TICRR: variants seen among roughly 807,000 people sequenced by gnomAD.
TICRR encodes the protein treslin.
Under a neutral mutation model 178.1 loss-of-function variants are expected in TICRR, and 132 were observed. The observed-to-expected ratio is 0.74, with a 90% CI of 0.64 to 0.86. The LOEUF (loss-of-function observed/expected upper bound fraction) is 0.86. TICRR is among the 40% of genes least tolerant of loss of function. TICRR has a pLI of 0.00. For missense variants in TICRR, 2,587 were observed against 2,334.3 expected, an observed-to-expected ratio of 1.11 and a Z score of -2.23; for synonymous variants, 991 against 900.7, an observed-to-expected ratio of 1.10 and a Z score of -1.79.
At chr15:89,581,215 T>G (rs62023109) in intron 1 of TICRR, among the ~76,000 whole-genome samples, 3 of 135,378 alleles carry the variant, frequency 2.2e-5, no homozygotes, top group African/African-American at 5.6e-5. Context: ...ATTCCTAACA[T>G]TCACATAGCA....
rs1013516586 is a variant in TICRR at position 89,602,735 on chromosome 15, T to C, written c.2568-61T>C. The C allele has an allele frequency of 1.9e-5, 15 of 800,718 alleles. No homozygotes were observed. In the African/African-American group the frequency reaches 2.7e-4, roughly 15 times the overall value. The allele number at this position is 800,718 out of a possible 1,614,324, so 49.6% of individuals were successfully genotyped here. On this transcript the variant is annotated intron_variant, in intron 12 of 21. Coordinates refer to ENST00000268138, the MANE Select transcript of TICRR (RefSeq NM_152259.4). Reference sequence around the variant, plus strand: ...TTATTTTACTTAGACTCCAGTTCCATTTGAATTTAACTATATATAACCTCT... The same window carrying C: ...TTATTTTACTTAGACTCCAGTTCCACTTGAATTTAACTATATATAACCTCT...
intron 4 of TICRR, among the ~76,000 whole-genome samples, chr15:89,589,471 T>G (rs935208107): frequency 1.3e-5 from 2 of 152,120 alleles, no homozygotes; most frequent in Non-Finnish European, 2.9e-5. Context: ...ATGGGGCTCC[T>G]GCTTGACATT....
chr15:89,586,247 A>G (rs1962821397), intron 4 of TICRR, among the ~76,000 whole-genome samples: 1 of 152,212 alleles, frequency 6.6e-6, no homozygotes, highest in Non-Finnish European at 1.5e-5. Context: ...TACTACTAGC[A>G]TTGCAACTAA....
At chr15:89,621,951 G>C (rs141672514) in intron 19 of TICRR, among the ~76,000 whole-genome samples, 2 of 147,554 alleles carry the variant, frequency 1.4e-5, no homozygotes, top group Admixed American at 1.4e-4. Flanking sequence ...CCAATCAGTC[G>C]AGTCCTGCCC....
At chr15:89,586,078 G>A in intron 4 of TICRR, 136 bp downstream of exon 4, 1 of 620,154 alleles carries the variant, frequency 1.6e-6, no homozygotes, top group Non-Finnish European at 2.8e-6. Flanking sequence ...AATACTTCAG[G>A]CAGTTTAAAT....
At chr15:89,614,141 G>A (rs541896826) in intron 15 of TICRR, among the ~76,000 whole-genome samples, 3 of 152,010 alleles carry the variant, frequency 2.0e-5, no homozygotes, top group South Asian at 2.1e-4. Context: ...GCAACAGAGC[G>A]AGACTCTGTC....
intron 17 of TICRR, among the ~76,000 whole-genome samples, chr15:89,619,498 G>C (rs1441607878): frequency 6.6e-6 from 1 of 152,102 alleles, no homozygotes; most frequent in South Asian, 2.1e-4. Flanking sequence ...AGTCTAGTGG[G>C]TCAGTGTTTT....
chr15:89,604,718 C>T lies in TICRR; in HGVS notation c.2664+1826C>T, dbSNP rs536506921. ...CCTGGGAGTTTGAGGCTGCAATGAA[C>T]TATGATGAAGCCACTGCACTCCAGC... On this transcript the variant is annotated intron_variant, in intron 13 of 21. Coordinates refer to ENST00000268138, the MANE Select transcript of TICRR (RefSeq NM_152259.4). Among the ~76,000 whole-genome samples the T allele has an allele frequency of 3.6e-5, 5 of 140,358 alleles. No homozygotes were observed. In the South Asian group the frequency reaches 1.1e-3, roughly 31 times the overall value. 92.1% of individuals were successfully genotyped at this position (140,358 alleles called of 152,430 possible).
rs1217528594 is a variant in TICRR, at chr15:89,621,510, C to T, written c.3272C>T (p.Ser1091Leu). 6.2e-7 allele frequency: 1 copy of T among 1,613,782 alleles called. No homozygotes were observed. Among genetic ancestry groups the T allele is most frequent in the Non-Finnish European group, 8.5e-7 (1 of 1,179,902 alleles). The change falls in exon 19 of 22, where the codon TCA becomes TTA. Residue 1091 changes from serine to leucine, a missense_variant. By Grantham distance (145) the Ser-to-Leu change is moderately radical. Coordinates refer to ENST00000268138, the MANE Select transcript of TICRR (RefSeq NM_152259.4). ...EKGSARMKKR[S>L]RNTLDSEVPA... The stretch of plus-strand genomic sequence containing the variant: ...GGTTCAGCTCGAATGAAAAAGCGTT[C>T]AAGAAACACTTTGGATTCGGAGGTA...
intron 8 of TICRR, among the ~76,000 whole-genome samples, chr15:89,599,743 T>A (rs1049943196): frequency 6.6e-6 from 1 of 152,194 alleles, no homozygotes; most frequent in Non-Finnish European, 1.5e-5. Context: ...GAGCTATATG[T>A]TAGCTGCATG....
intron 1 of TICRR, chr15:89,579,775 C>T (rs1962690409): frequency 6.6e-6 from 1 of 152,168 alleles, no homozygotes; most frequent in Admixed American, 6.5e-5. Context: ...CCTCATCGCC[C>T]TGCTTTGCCC....
At chr15:89,601,235 G>T in intron 9 of TICRR, 63 bp from the exon 10 acceptor site, 3 of 1,437,782 alleles carry the variant, frequency 2.1e-6, no homozygotes, top group Middle Eastern at 3.5e-4. Context: ...CTATGCTTAC[G>T]GAAGGAGCTT....
At chr15:89,586,366 A>G (rs964070877) in intron 4 of TICRR, among the ~76,000 whole-genome samples, 4 of 152,028 alleles carry the variant, frequency 2.6e-5, no homozygotes, top group Non-Finnish European at 5.9e-5. Context: ...ACATATATAT[A>G]TATATAAAAT....
chr15:89,601,078 C>T (rs1268760318), intron 9 of TICRR, among the ~76,000 whole-genome samples: 5 of 143,664 alleles, frequency 3.5e-5, no homozygotes, highest in African/African-American at 1.3e-4. Flanking sequence ...AAAAGATTAC[C>T]AACTGCATGA....
rs1962782183 is a variant in TICRR at position 89,584,370 on chromosome 15, T to C, written c.1019T>C (p.Ile340Thr). Residue 340 changes from isoleucine to threonine, a missense_variant, in exon 3 of 22, where the codon ATT (isoleucine) becomes ACT (threonine). Ile to Thr is a moderately conservative substitution (Grantham distance 89). Transcript: ENST00000268138. ...AGACATTTTCAGAAACCAGTCAGAA[T>C]TTTTCTAAAAGGCTCAGTGGCCCAG... ...HQRHFQKPVR[I>T]FLKGSVAQWS... 6.2e-7 allele frequency: 1 copy of C among 1,614,058 alleles called. No homozygotes were observed. The highest frequency in any genetic ancestry group is 1.3e-5 in the African/African-American group (1 of 74,924).
Position 89,619,215 on chromosome 15 carries a change from ATTC to A in TICRR, c.3020-487_3020-485del, listed in dbSNP as rs1963383318. On this transcript the variant is annotated intron_variant, in intron 17 of 21. Transcript: ENST00000268138. ...TAAATACTTGTTTTCGCCCTACACC[ATTC>A]TTCTTTTTTTTTTTTTTTTTTTGGT... 3.7e-5 allele frequency among the ~76,000 whole-genome samples: 4 copies of A among 108,734 alleles called. No homozygotes were observed. The South Asian group carries it at 1.2e-3, about 31-fold the overall frequency. 71.3% of individuals were successfully genotyped at this position (108,734 alleles called of 152,430 possible). A position where few individuals can be genotyped will look rare whatever the true frequency, so the allele number is the denominator to read the frequency against.
rs1288343183 is a variant in TICRR, at chr15:89,627,781, A to G, written c.*695A>G. ...ATCACCTGGCTCATCGTTTCCACCA[A>G]GAGTGCCCCACAGGAGTGCCCCACA... On this transcript the variant is annotated 3_prime_UTR_variant, in exon 22 of 22. Coordinates refer to ENST00000268138, the MANE Select transcript of TICRR (RefSeq NM_152259.4). 2 of 152,576 alleles carry G rather than the reference A, an allele frequency of 1.3e-5. No homozygotes were observed. The highest frequency in any genetic ancestry group is 4.8e-5 in the African/African-American group (2 of 41,434). 9.5% of individuals were successfully genotyped at this position (152,576 alleles called of 1,614,324 possible).
At position 89,597,506 on chromosome 15, in the gene TICRR, C is replaced by T. The variant is rs983283233; in HGVS notation, c.1901-1818C>T. Among the ~76,000 whole-genome samples the T allele has an allele frequency of 1.3e-4, 19 of 145,344 alleles. No individual in the cohort carries two copies. In the East Asian group the frequency reaches 3.0e-3, roughly 23 times the overall value. ...CGCCCCTGCACTCCAGCCTGGGTGACGGAGCAAGACTCTGTCTCAAAAAAA... is the reference window on the plus strand; with the variant it reads ...CGCCCCTGCACTCCAGCCTGGGTGATGGAGCAAGACTCTGTCTCAAAAAAA... On this transcript the variant is annotated intron_variant, in intron 7 of 21. Coordinates refer to ENST00000268138, the MANE Select transcript of TICRR (RefSeq NM_152259.4).
Position 89,599,359 on chromosome 15 carries a change from C to A in TICRR, c.1936C>A (p.Arg646Ser), listed in dbSNP as rs759989421. 1.3e-5 allele frequency: 21 copies of A among 1,611,950 alleles called. No individual in the cohort carries two copies. Among genetic ancestry groups the A allele is most frequent in the Non-Finnish European group, 1.8e-5 (21 of 1,178,996 alleles). Residue 646 changes from arginine (R) to serine (S), a missense_variant, in exon 8 of 22, where the codon CGT becomes AGT. Arg to Ser is a moderately radical substitution (Grantham distance 110, BLOSUM62 -1). Coordinates refer to ENST00000268138, the MANE Select transcript of TICRR (RefSeq NM_152259.4). ...TGAGGAAGAGCTGCTATCATATATA[C>A]GTGAAAATTACCAAAAGACTGTGGC... ...KTEEELLSYI[R>S]ENYQKTVATG...
Sources: gnomAD v4.1 joint callset for allele counts (sites outside exome capture counted in the v4.1 genomes callset) on GRCh38, gnomAD v4.1.1 for gene constraint, MANE v1.5 for transcripts, NCBI Gene and HGNC (gene_info 2026-07-23, HGNC 2026-07-21) for gene names.